The following FBN3 variants were observed in gnomAD, a reference collection of about 807,000 sequenced individuals.
FBN3 encodes the protein fibrillin 3, also known as fibrillin-3.
In FBN3, 234 loss-of-function variants were observed where a neutral mutation model predicts 330.1. The ratio of observed to expected loss-of-function variants is 0.71; its 90% CI spans 0.64 to 0.79. The LOEUF (loss-of-function observed/expected upper bound fraction) is 0.79. Among genes scored for constraint, FBN3 ranks in the 30% least tolerant of loss-of-function variants. The probability of loss-of-function intolerance (pLI) is 0.00; values close to 1 mark genes in which losing one functional copy is unlikely to be tolerated. For synonymous variants in FBN3, 1,458 were observed against 1,517.3 expected (o/e 0.96, Z 0.91); for missense variants, 3,606 against 3,886.9 (o/e 0.93, Z 1.92).
intron 59 of FBN3, among the ~76,000 whole-genome samples, chr19:8,077,472 C>T (rs1263615312): frequency 6.6e-6 from 1 of 151,936 alleles, no homozygotes; most frequent in African/African-American, 2.4e-5. Flanking sequence ...AACCCCATCT[C>T]TACTAAAAAT....
chr19:8,130,867 G>T (rs1307262610), intron 16 of FBN3, among the ~76,000 whole-genome samples: 4 of 151,054 alleles, frequency 2.6e-5, no homozygotes, highest in Non-Finnish European at 5.9e-5. Context: ...AAAAAAGGGT[G>T]GGGGGAGTTT....
intron 24 of FBN3, among the ~76,000 whole-genome samples, chr19:8,122,294 G>A (rs1010418047): frequency 1.3e-5 from 2 of 152,198 alleles, no homozygotes; most frequent in African/African-American, 4.8e-5. Context: ...GGGATCACAG[G>A]CGTGAGCCAC....
rs371104247 is a variant in FBN3 at position 8,115,532 on chromosome 19, C to T, written c.3821G>A (p.Gly1274Glu). Residue 1274 changes from glycine (G) to glutamate (E), a missense_variant, in exon 30 of 64, where the codon GGG becomes GAG. Gly to Glu is a moderately conservative substitution (Grantham distance 98). Transcript: ENST00000600128. ...HCQLGYMVRK[G>E]ATGCSDVDEC... ...CGGCTCACCAGAGCAGCCTGTGGCC[C>T]CCTTCCTGACCATGTAGCCCAGCTG... 1.9e-6 allele frequency: 3 copies of T among 1,613,878 alleles called. No individual in the cohort carries two copies. In the African/African-American group the frequency reaches 4.0e-5, roughly 22 times the overall value.
chr19:8,130,639 A>AGAAAGAAAGAAAAGGAAAGGAAAGGAAAG (rs2083118396), intron 16 of FBN3, among the ~76,000 whole-genome samples: 1 of 3,962 alleles, frequency 2.5e-4, no homozygotes, highest in Non-Finnish European at 4.8e-4. Flanking sequence ...AAAGAAAGAA[A>AGAAAGAAAGAAAAGGAAAGGAAAGGAAAG]GAAAGGAAAG....
rs143240734 is a variant in FBN3 at position 8,075,459 on chromosome 19, C to T, written c.7454-48G>A. On this transcript the variant is annotated intron_variant, in intron 59 of 63. Coordinates refer to ENST00000600128, the MANE Select transcript of FBN3 (RefSeq NM_032447.5). ...AGGGTTGCCTGCTGGTTAAGGAACT[C>T]GTGTCAGGTGACACAATGCCAGTCC... The T allele has an allele frequency of 2.9e-4, 452 of 1,582,106 alleles. 2 individuals carry two copies. The African/African-American group carries it at 5.2e-3, about 18-fold the overall frequency.
At chr19:8,091,947 G>A (rs2082105053) in intron 47 of FBN3, among the ~76,000 whole-genome samples, 1 of 151,850 alleles carries the variant, frequency 6.6e-6, no homozygotes, top group Non-Finnish European at 1.5e-5. Context: ...TTTGGGAGGT[G>A]GAGGCGGGTG....
intron 5 of FBN3, 55 bp downstream of exon 5, chr19:8,145,788 C>G: frequency 7.3e-7 from 1 of 1,364,712 alleles, no homozygotes; most frequent in South Asian, 1.3e-5. Context: ...GAGACTAATA[C>G]TCTGGGATCA....
chr19:8,092,929 G>A (rs1237652347), intron 47 of FBN3, among the ~76,000 whole-genome samples: 1 of 151,812 alleles, frequency 6.6e-6, no homozygotes, highest in Non-Finnish European at 1.5e-5. Flanking sequence ...GGGGGGTGAG[G>A]GATAAAAGAC....
intron 41 of FBN3, among the ~76,000 whole-genome samples, chr19:8,099,712 T>TA (rs1460024526): frequency 6.6e-6 from 1 of 151,936 alleles, no homozygotes; most frequent in Non-Finnish European, 1.5e-5. Context: ...AATACGTTGT[T>TA]AAAAAGGGAG....
At chr19:8,142,408 CCT>C (rs966898856) in intron 6 of FBN3, among the ~76,000 whole-genome samples, 6 of 152,120 alleles carry the variant, frequency 3.9e-5, no homozygotes, top group African/African-American at 1.4e-4. Flanking sequence ...GTGTGAACAC[CCT>C]GTCTGAACTG....
At chr19:8,071,456 T>A (rs2081509273) in intron 63 of FBN3, among the ~76,000 whole-genome samples, 2 of 152,108 alleles carry the variant, frequency 1.3e-5, no homozygotes, top group South Asian at 4.1e-4. Context: ...AAGGGGAGCC[T>A]CTGCTGGGGT....
chr19:8,107,467 G>A (rs551191972), intron 37 of FBN3, among the ~76,000 whole-genome samples: 1 of 148,954 alleles, frequency 6.7e-6, no homozygotes, highest in African/African-American at 2.5e-5. Context: ...ATGGATGGTC[G>A]AGTGGAAGGA....
chr19:8,124,788 G>A (rs1218654147), intron 22 of FBN3, among the ~76,000 whole-genome samples: 2 of 150,132 alleles, frequency 1.3e-5, no homozygotes, highest in African/African-American at 2.5e-5. Context: ...CACCTGCCTC[G>A]GCCTCCCAAA....
intron 62 of FBN3, 104 bp downstream of exon 62, chr19:8,072,959 A>C (rs111332402): frequency 0.038 from 32,309 of 842,670 alleles, 876 homozygotes; most frequent in Middle Eastern, 0.085. Context: ...TGGCATGCAC[A>C]AAGCCCCGTG....
chr19:8,089,271 A>G (rs547163718), intron 51 of FBN3, among the ~76,000 whole-genome samples: 2 of 151,884 alleles, frequency 1.3e-5, no homozygotes, highest in African/African-American at 4.8e-5. Flanking sequence ...GAAAATGAGT[A>G]AGTGAGTGAG....
Position 8,131,374 on chromosome 19 carries a change from T to G in FBN3, c.1991-86A>C. 6.6e-7 allele frequency: 1 copy of G among 1,524,558 alleles called. No individual in the cohort carries two copies. The highest frequency in any genetic ancestry group is 9.0e-7 in the Non-Finnish European group (1 of 1,110,076). The allele number at this position is 1,524,558 out of a possible 1,614,324, so 94.4% of individuals were successfully genotyped here. On this transcript the variant is annotated intron_variant, in intron 15 of 63. Coordinates refer to ENST00000600128, the MANE Select transcript of FBN3 (RefSeq NM_032447.5). This position sits in a 1 kb window ranked among gnomAD's most constrained non-coding sequence, Gnocchi z 4.5. Reference sequence around the variant, plus strand: ...CACAGGCAAGGATGAGGCCCTCTGGTCTTGGGCAAGAGTTTGGGACTAAGA... The same window carrying G: ...CACAGGCAAGGATGAGGCCCTCTGGGCTTGGGCAAGAGTTTGGGACTAAGA...
rs144887983 is a variant in FBN3 at position 8,086,248 on chromosome 19, C to G, written c.6832G>C (p.Asp2278His). 13,910 of 1,610,744 alleles carry G rather than the reference C, an allele frequency of 8.6e-3. 72 individuals carry two copies. Among genetic ancestry groups the G allele is most frequent in the Non-Finnish European group, 9.8e-3 (11,528 of 1,178,314 alleles). Residue 2278 changes from aspartate to histidine, a missense_variant, in exon 55 of 64, where the codon GAC (aspartate) becomes CAC (histidine). Physicochemically the swap from Asp to His is moderately conservative, Grantham distance 81 (BLOSUM62 -1). Coordinates refer to ENST00000600128, the MANE Select transcript of FBN3 (RefSeq NM_032447.5). ...CTGGGCTGGAATCCCTCATCACAGT[C>G]GCACCGGAAGCTGCCCGCGGTGTTG... is the stretch of plus-strand genomic sequence containing the variant. ...CVNTAGSFRC[D>H]CDEGFQPSPT...
At chr19:8,078,795 T>TC (rs1171032014) in intron 59 of FBN3, among the ~76,000 whole-genome samples, 2 of 151,450 alleles carry the variant, frequency 1.3e-5, no homozygotes, top group African/African-American at 4.9e-5. Flanking sequence ...CTCTCTCTTT[T>TC]TTTTTTTTTT....
chr19:8,076,873 T>C (rs1307591664), intron 59 of FBN3, among the ~76,000 whole-genome samples: 1 of 152,100 alleles, frequency 6.6e-6, no homozygotes, highest in Non-Finnish European at 1.5e-5. Flanking sequence ...GTGAGCCTCC[T>C]ACCTCAGCCT....
Sources: allele counts gnomAD v4.1 joint callset (sites outside exome capture counted in the v4.1 genomes callset), GRCh38; gene constraint gnomAD v4.1.1; non-coding constraint Gnocchi (gnomAD v3.1); transcripts MANE v1.5; gene names NCBI Gene and HGNC (gene_info 2026-07-23, HGNC 2026-07-21).